RBFOX1: variants seen among roughly 807,000 people sequenced by gnomAD.
The protein encoded by RBFOX1 is RNA binding protein fox-1 homolog 1.
RBFOX1 carries 8 observed loss-of-function variants against 57.7 expected under a neutral mutation model. The ratio of observed to expected loss-of-function variants is 0.14; its 90% CI spans 0.08 to 0.25. The LOEUF (loss-of-function observed/expected upper bound fraction) is 0.25, where lower values mean the gene tolerates loss of function less well. Ranked by LOEUF, RBFOX1 falls within the 10% of genes least tolerant of loss-of-function variation. RBFOX1 has a pLI of 1.00. For synonymous variants in RBFOX1, 326 were observed against 222.4 expected (o/e 1.47, Z -4.15); for missense variants, 611 against 548.5 (o/e 1.11, Z -1.14).
intron 2 of RBFOX1, among the ~76,000 whole-genome samples, chr16:5,546,886 G>A (rs1184125606): frequency 6.6e-6 from 1 of 152,038 alleles, no homozygotes; most frequent in Non-Finnish European, 1.5e-5. Flanking sequence ...TGTAGAATGG[G>A]TAAAGAACTC....
chr16:6,404,228 G>T (rs2093190427), intron 2 of RBFOX1, among the ~76,000 whole-genome samples: 1 of 152,116 alleles, frequency 6.6e-6, no homozygotes, highest in Non-Finnish European at 1.5e-5. Context: ...CATAGCATTT[G>T]CATTTGTATT....
intron 2 of RBFOX1, among the ~76,000 whole-genome samples, chr16:6,528,756 A>G (rs757891940): frequency 3.9e-5 from 6 of 152,084 alleles, no homozygotes; most frequent in Non-Finnish European, 7.4e-5. Flanking sequence ...GCTGTCCTGT[A>G]CACTCTACGA....
At chr16:6,259,597 C>A (rs1288076793) in intron 1 of RBFOX1, among the ~76,000 whole-genome samples, 1 of 151,954 alleles carries the variant, frequency 6.6e-6, no homozygotes, top group Non-Finnish European at 1.5e-5. Context: ...GGCCCAGTAG[C>A]GACGAAAGTG....
intron 1 of RBFOX1, among the ~76,000 whole-genome samples, chr16:6,154,928 C>T (rs78681310): frequency 6.6e-6 from 1 of 152,114 alleles, no homozygotes; most frequent in Non-Finnish European, 1.5e-5. Flanking sequence ...AATTAGCAAG[C>T]AACTATATTT....
At chr16:5,404,041 G>T (rs2066793440) in intron 1 of RBFOX1, among the ~76,000 whole-genome samples, 1 of 148,894 alleles carries the variant, frequency 6.7e-6, no homozygotes, top group Non-Finnish European at 1.5e-5. Flanking sequence ...AGGACAGAAT[G>T]GGTGGAAAGC....
intron 4 of RBFOX1, among the ~76,000 whole-genome samples, chr16:7,122,396 A>T (rs984037184): frequency 1.1e-4 from 17 of 152,128 alleles, no homozygotes; most frequent in African/African-American, 4.1e-4. Context: ...TTGGGTCCTG[A>T]GTGGGGGGAA....
chr16:5,560,077 T>A (rs907712147), intron 2 of RBFOX1, among the ~76,000 whole-genome samples: 4 of 152,336 alleles, frequency 2.6e-5, no homozygotes, highest in African/African-American at 9.6e-5. Context: ...ACAGTGCTTA[T>A]GAAAATGGCC....
At chr16:6,551,091 A>G (rs111676744) in intron 2 of RBFOX1, among the ~76,000 whole-genome samples, 4 of 152,302 alleles carry the variant, frequency 2.6e-5, no homozygotes, top group African/African-American at 9.6e-5. Flanking sequence ...TTTATGTGAT[A>G]ATGGCTCTGC....
At chr16:7,280,300 C>A (rs2095515910) in intron 4 of RBFOX1, among the ~76,000 whole-genome samples, 1 of 152,216 alleles carries the variant, frequency 6.6e-6, no homozygotes, top group Non-Finnish European at 1.5e-5. Flanking sequence ...TCTGGGTGTT[C>A]TGCCTTCCAG....
At chr16:6,481,341 A>G (rs541673787) in intron 2 of RBFOX1, among the ~76,000 whole-genome samples, 1 of 152,356 alleles carries the variant, frequency 6.6e-6, no homozygotes, top group Non-Finnish European at 1.5e-5. Context: ...GCACATGAGA[A>G]TAGCAATTTA....
chr16:5,389,512 T>G (rs1171759543), intron 1 of RBFOX1, among the ~76,000 whole-genome samples: 1 of 152,080 alleles, frequency 6.6e-6, no homozygotes, highest in Non-Finnish European at 1.5e-5. Flanking sequence ...GGAGGCAAAG[T>G]CACTCCAGCT....
chr16:7,146,698 T>C (rs1026079934), intron 4 of RBFOX1, among the ~76,000 whole-genome samples: 1 of 151,914 alleles, frequency 6.6e-6, no homozygotes, highest in Non-Finnish European at 1.5e-5. Flanking sequence ...CCTGCAATCC[T>C]GGCAGTTTGC....
At chr16:5,277,531 T>A (rs1388731307) in intron 1 of RBFOX1, among the ~76,000 whole-genome samples, 1 of 152,206 alleles carries the variant, frequency 6.6e-6, no homozygotes, top group Non-Finnish European at 1.5e-5. Context: ...CTATTGTATA[T>A]TTTTACACCC....
intron 1 of RBFOX1, among the ~76,000 whole-genome samples, chr16:6,210,272 C>G (rs1018582961): frequency 7.2e-6 from 1 of 139,430 alleles, no homozygotes; most frequent in African/African-American, 2.7e-5. Context: ...AAGCTGAGAT[C>G]ACGCATTGCA....
chr16:6,291,593 C>G (rs1395636489), intron 1 of RBFOX1, among the ~76,000 whole-genome samples: 9 of 152,306 alleles, frequency 5.9e-5, no homozygotes. Flanking sequence ...AGCTACATAC[C>G]TCCCTCACCT....
At chr16:7,283,240 C>G (rs1023652509) in intron 4 of RBFOX1, among the ~76,000 whole-genome samples, 1 of 151,860 alleles carries the variant, frequency 6.6e-6, no homozygotes, top group Non-Finnish European at 1.5e-5. Context: ...TTGTCTCTCT[C>G]TGTTCGTTCA....
At chr16:7,475,994 C>G (rs953696631) in intron 4 of RBFOX1, among the ~76,000 whole-genome samples, 1 of 152,052 alleles carries the variant, frequency 6.6e-6, no homozygotes, top group Non-Finnish European at 1.5e-5. Context: ...GAGACAGGGT[C>G]TCACTCTGTC....
At chr16:6,346,917 C>T (rs989813561) in intron 2 of RBFOX1, among the ~76,000 whole-genome samples, 8 of 151,840 alleles carry the variant, frequency 5.3e-5, no homozygotes, top group African/African-American at 1.9e-4. Flanking sequence ...TGGTGGTGTT[C>T]CAGGAGGATG....
intron 3 of RBFOX1, among the ~76,000 whole-genome samples, chr16:6,967,629 G>A (rs2084570022): frequency 6.6e-6 from 1 of 152,056 alleles, no homozygotes. Context: ...ACACTTCGCT[G>A]TTGAACAGCG....
Sources: allele counts gnomAD v4.1 joint callset (sites outside exome capture counted in the v4.1 genomes callset), GRCh38; gene constraint gnomAD v4.1.1; transcripts MANE v1.5; gene names NCBI Gene and HGNC (gene_info 2026-07-23, HGNC 2026-07-21).